The following NUDT3 variants were observed in gnomAD, a reference collection of about 807,000 sequenced individuals.
NUDT3 encodes diphosphoinositol polyphosphate phosphohydrolase 1.
NUDT3 carries 9 observed loss-of-function variants against 23.6 expected under a neutral mutation model. The ratio of observed to expected loss-of-function variants is 0.38; its 90% CI spans 0.23 to 0.66. The LOEUF is 0.66. Ranked by LOEUF, NUDT3 falls within the 30% of genes least tolerant of loss-of-function variation. The pLI is 0.52. For missense variants in NUDT3, 172 were observed against 218.5 expected (o/e 0.79, Z 1.34); for synonymous variants, 86 against 82.6 (o/e 1.04, Z -0.22).
chr6:34,351,830 T>C, intron 1 of NUDT3, among the ~76,000 whole-genome samples: 1 of 150,590 alleles, frequency 6.6e-6, no homozygotes, highest in Non-Finnish European at 1.5e-5. Context: ...TGTACAGAGA[T>C]TGCCTCTGTA....
intron 1 of NUDT3, among the ~76,000 whole-genome samples, chr6:34,391,864 C>T (rs1213602510): frequency 2.0e-5 from 3 of 152,068 alleles, no homozygotes; most frequent in African/African-American, 7.2e-5. Flanking sequence ...CTCGTGCACG[C>T]CGGCCTCCGC....
chr6:34,388,967 T>C (rs955996313), intron 1 of NUDT3, among the ~76,000 whole-genome samples: 1 of 152,186 alleles, frequency 6.6e-6, no homozygotes, highest in African/African-American at 2.4e-5. Flanking sequence ...ATTTTAACAG[T>C]TTAAAATTTT....
intron 1 of NUDT3, among the ~76,000 whole-genome samples, chr6:34,378,265 T>C (rs980645476): frequency 6.6e-6 from 1 of 152,020 alleles, no homozygotes; most frequent in Non-Finnish European, 1.5e-5. Flanking sequence ...ATCACATCAC[T>C]GTACTCCAGC....
chr6:34,345,580 G>A (rs193284746), intron 1 of NUDT3, among the ~76,000 whole-genome samples: 41 of 149,022 alleles, frequency 2.8e-4, no homozygotes, highest in South Asian at 1.1e-3. Context: ...GGAGAATGGC[G>A]TGAACCCGGG....
intron 2 of NUDT3, among the ~76,000 whole-genome samples, chr6:34,327,927 T>C (rs1039851313): frequency 2.0e-5 from 3 of 152,210 alleles, no homozygotes; most frequent in Admixed American, 6.5e-5. Flanking sequence ...CTGCTCACGA[T>C]GTCCCTTCAG....
chr6:34,297,760 A>ATAT (rs1763535832), intron 2 of NUDT3, among the ~76,000 whole-genome samples: 1 of 53,654 alleles, frequency 1.9e-5, no homozygotes, highest in African/African-American at 1.1e-4. Flanking sequence ...TATATATATA[A>ATAT]TTTTTTTTTT....
In NUDT3 at chr6:34,310,991, G is replaced by GA. The variant is rs751477783; in HGVS notation, c.211-15307dup. ...CTCCAATCACAGTTGGACACAGAAG[G>GA]AAAAAAAAAAAAAAACTCTCGACAA... On this transcript the variant is annotated intron_variant, in intron 2 of 4. Transcript: ENST00000607016. Among the ~76,000 whole-genome samples the GA allele has an allele frequency of 4.8e-3, 582 of 122,108 alleles. 1 individual carries two copies. The highest frequency in any genetic ancestry group is 0.024 in the East Asian group (101 of 4,142). 80.1% of individuals were successfully genotyped at this position (122,108 alleles called of 152,430 possible).
At chr6:34,333,908 T>C (rs2113728742) in intron 2 of NUDT3, among the ~76,000 whole-genome samples, 1 of 152,326 alleles carries the variant, frequency 6.6e-6, no homozygotes, top group South Asian at 2.1e-4. Context: ...GAAGGCTGAA[T>C]ACAGAGTCAA....
intron 4 of NUDT3, among the ~76,000 whole-genome samples, chr6:34,290,791 GATT>G (rs534620493): frequency 6.4e-4 from 95 of 147,998 alleles, no homozygotes; most frequent in African/African-American, 2.1e-3. Flanking sequence ...AATTGTCTGT[GATT>G]ATTATTATTA....
chr6:34,345,419 T>A (rs1764351270), intron 1 of NUDT3, among the ~76,000 whole-genome samples: 1 of 151,350 alleles, frequency 6.6e-6, no homozygotes, highest in Admixed American at 6.6e-5. Flanking sequence ...ATCCCAGCAC[T>A]TAGGGAGGTC....
intron 2 of NUDT3, among the ~76,000 whole-genome samples, chr6:34,296,369 T>C (rs1273169391): frequency 1.3e-5 from 2 of 151,544 alleles, no homozygotes; most frequent in African/African-American, 4.9e-5. Context: ...AGCTCAGGAG[T>C]TCGAGACCAG....
chr6:34,290,527 C>T (rs1763405333), intron 4 of NUDT3, among the ~76,000 whole-genome samples: 1 of 149,494 alleles, frequency 6.7e-6, no homozygotes, highest in South Asian at 2.1e-4. Context: ...TGTCCTATGT[C>T]ACACTATTTC....
chr6:34,337,975 T>C lies in NUDT3; in HGVS notation c.210+3887A>G, dbSNP rs867703023. Among the ~76,000 whole-genome samples the C allele has an allele frequency of 3.3e-5, 5 of 152,320 alleles. No homozygotes were observed. The South Asian group carries it at 1.0e-3, about 32-fold the overall frequency. ...GCCAACTGGATTTAAATCAAAATTA[T>C]TCAGTTTAGGCCCACCAACTGGCCC... On this transcript the variant is annotated intron_variant, in intron 2 of 4. Coordinates refer to ENST00000607016, the MANE Select transcript of NUDT3 (RefSeq NM_006703.4).
chr6:34,370,384 G>A (rs936909348), intron 1 of NUDT3, among the ~76,000 whole-genome samples: 1 of 152,116 alleles, frequency 6.6e-6, no homozygotes, highest in Non-Finnish European at 1.5e-5. Flanking sequence ...TCAAAGTGGC[G>A]GCTACAACTC....
At chr6:34,335,350 C>G (rs917116128) in intron 2 of NUDT3, among the ~76,000 whole-genome samples, 4 of 152,018 alleles carry the variant, frequency 2.6e-5, no homozygotes, top group African/African-American at 9.7e-5. Context: ...GTTTCTTCAA[C>G]AGGTAAGCAT....
In NUDT3 at chr6:34,281,633, C is replaced by G. The variant is rs1763280822; in HGVS notation, c.*7120G>C. ...CTTTTACAGTAGAGCTGACCAATTACTTTTCTAACTACTAATGCAACACCA... is the reference window on the plus strand; with the variant it reads ...CTTTTACAGTAGAGCTGACCAATTAGTTTTCTAACTACTAATGCAACACCA... On this transcript the variant is annotated 3_prime_UTR_variant, in exon 5 of 5. Coordinates refer to ENST00000607016, the MANE Select transcript of NUDT3 (RefSeq NM_006703.4). 6.6e-6 allele frequency: 1 copy of G among 152,226 alleles called. No homozygotes were observed. The allele number at this position is 152,226 out of a possible 1,614,324, so 9.4% of individuals were successfully genotyped here.
At chr6:34,343,237 G>A (rs1353810131) in intron 1 of NUDT3, among the ~76,000 whole-genome samples, 2 of 151,882 alleles carry the variant, frequency 1.3e-5, no homozygotes, top group African/African-American at 2.4e-5. Flanking sequence ...TGGTTGATAT[G>A]TATATATACT....
intron 1 of NUDT3, among the ~76,000 whole-genome samples, chr6:34,360,038 G>A (rs1463821267): frequency 1.3e-5 from 2 of 151,886 alleles, no homozygotes; most frequent in African/African-American, 4.8e-5. Context: ...AGACCAGCCT[G>A]ACAAAATAGA....
At chr6:34,297,734 T>TATATATAA (rs1561898957) in intron 2 of NUDT3, among the ~76,000 whole-genome samples, 4 of 40,192 alleles carry the variant, frequency 1.0e-4, no homozygotes, top group Non-Finnish European at 2.0e-4. Context: ...AAAAAAAATA[T>TATATATAA]ATATATATAT....
Sources: gnomAD v4.1 joint callset for allele counts (sites outside exome capture counted in the v4.1 genomes callset) on GRCh38, gnomAD v4.1.1 for gene constraint, MANE v1.5 for transcripts, NCBI Gene and HGNC (gene_info 2026-07-23, HGNC 2026-07-21) for gene names.